EYS: variants seen among roughly 807,000 people sequenced by gnomAD.
EYS encodes EGF-like photoreceptor maintenance factor.
A neutral mutation model predicts 282.1 loss-of-function variants in EYS; 250 were observed. The ratio of observed to expected loss-of-function variants is 0.89; its 90% CI spans 0.80 to 0.98. The LOEUF (loss-of-function observed/expected upper bound fraction) is 0.98. Among genes scored for constraint, EYS ranks in the 50% least tolerant of loss-of-function variants. EYS has a pLI of 0.00. For missense variants in EYS, 4,016 were observed against 3,709.0 expected (o/e 1.08, Z -2.15); for synonymous variants, 1,355 against 1,282.9 (o/e 1.06, Z -1.20).
intron 31 of EYS, among the ~76,000 whole-genome samples, chr6:64,197,220 T>G (rs913937030): frequency 6.6e-5 from 10 of 152,122 alleles, no homozygotes; most frequent in Non-Finnish European, 1.2e-4. Context: ...AATATTTTGT[T>G]TTTCCATCTA....
At chr6:64,659,551 G>A (rs1411785822) in intron 22 of EYS, among the ~76,000 whole-genome samples, 1 of 151,862 alleles carries the variant, frequency 6.6e-6, no homozygotes, top group Non-Finnish European at 1.5e-5. Flanking sequence ...TGATAAAGGG[G>A]ATACCACCAC....
At chr6:64,138,986 A>G (rs1774252373) in intron 31 of EYS, among the ~76,000 whole-genome samples, 1 of 152,084 alleles carries the variant, frequency 6.6e-6, no homozygotes, top group South Asian at 2.1e-4. Flanking sequence ...AAAAATTGCA[A>G]CCTCAGGCAT....
chr6:65,472,325 C>T (rs1166540883), intron 5 of EYS, among the ~76,000 whole-genome samples: 1 of 151,946 alleles, frequency 6.6e-6, no homozygotes, highest in Non-Finnish European at 1.5e-5. Context: ...CATGTTTTCT[C>T]TTGGAAGGCA....
intron 8 of EYS, among the ~76,000 whole-genome samples, chr6:65,379,983 G>GA (rs775198162): frequency 6.6e-5 from 10 of 151,832 alleles, no homozygotes; most frequent in Admixed American, 2.0e-4. Flanking sequence ...CAAACAAATG[G>GA]AAAAAAACAT....
chr6:64,286,806 T>C (rs1344904302), intron 30 of EYS, among the ~76,000 whole-genome samples: 1 of 152,188 alleles, frequency 6.6e-6, no homozygotes, highest in Non-Finnish European at 1.5e-5. Flanking sequence ...TGTTAATATT[T>C]TCATACTTAT....
chr6:64,786,043 C>T (rs181344685), intron 22 of EYS, among the ~76,000 whole-genome samples: 5 of 152,188 alleles, frequency 3.3e-5, no homozygotes, highest in South Asian at 2.1e-4. Context: ...AGTAAATAAT[C>T]GTAACTGTGC....
At position 65,388,410 on chromosome 6, in the gene EYS, G is replaced by A. The variant is rs1765881102; in HGVS notation, c.1185-3910C>T. ...TTAATAAATTAAAACCGATAAAAGT[G>A]GAGGGAGAAATTGAGAAGAGGTATT... On this transcript the variant is annotated intron_variant, in intron 7 of 42. Transcript: ENST00000503581. 2.0e-5 allele frequency among the ~76,000 whole-genome samples: 3 copies of A among 152,056 alleles called. No individual in the cohort carries two copies. The East Asian group carries it at 5.8e-4, about 29-fold the overall frequency.
At chr6:63,981,664 A>C (rs1767103731) in intron 35 of EYS, among the ~76,000 whole-genome samples, 1 of 151,890 alleles carries the variant, frequency 6.6e-6, no homozygotes, top group African/African-American at 2.4e-5. Flanking sequence ...AGTGCATGCC[A>C]AATCAGTTGA....
rs538941104 is a variant in EYS, at chr6:64,482,475, T to C, written c.5645-43123A>G. Among the ~76,000 whole-genome samples, 531 of 151,906 alleles carry C rather than the reference T, an allele frequency of 3.5e-3. 2 individuals carry two copies. Among genetic ancestry groups the C allele is most frequent in the African/African-American group, 0.012 (481 of 41,530 alleles). ...TTCAAATATGGCTCTGCCATTTTTATTGATATGACAAAAGTACTTAAGTTC... is the reference window on the plus strand; with the variant it reads ...TTCAAATATGGCTCTGCCATTTTTACTGATATGACAAAAGTACTTAAGTTC... On this transcript the variant is annotated intron_variant, in intron 26 of 42. Transcript: ENST00000503581.
At chr6:63,889,125 G>A (rs1014867458) in intron 35 of EYS, among the ~76,000 whole-genome samples, 1 of 152,200 alleles carries the variant, frequency 6.6e-6, no homozygotes, top group Non-Finnish European at 1.5e-5. Context: ...AGGCCTCCAA[G>A]AAATATGGGA....
chr6:65,395,524 G>A (rs377713799), intron 7 of EYS, among the ~76,000 whole-genome samples: 1 of 152,128 alleles, frequency 6.6e-6, no homozygotes, highest in Admixed American at 6.6e-5. Flanking sequence ...GTTATCATTT[G>A]TATATGTGGG....
At chr6:64,389,579 G>C (rs114579270) in intron 28 of EYS, among the ~76,000 whole-genome samples, 63 of 152,254 alleles carry the variant, frequency 4.1e-4, no homozygotes, top group African/African-American at 1.4e-3. Context: ...TTTACATATA[G>C]TCTATGGGTT....
chr6:65,077,759 G>A (rs1317888435), intron 12 of EYS, among the ~76,000 whole-genome samples: 1 of 151,838 alleles, frequency 6.6e-6, no homozygotes, highest in Non-Finnish European at 1.5e-5. Flanking sequence ...AAAAAATCAT[G>A]GCAATTAATT....
At chr6:64,510,293 G>A (rs1308055566) in intron 26 of EYS, among the ~76,000 whole-genome samples, 1 of 152,000 alleles carries the variant, frequency 6.6e-6, no homozygotes, top group Non-Finnish European at 1.5e-5. Context: ...TTTATGAAGT[G>A]ATATGAAAGA....
chr6:64,748,887 C>T (rs528223230), intron 22 of EYS, among the ~76,000 whole-genome samples: 97 of 152,338 alleles, frequency 6.4e-4, no homozygotes, highest in African/African-American at 2.2e-3. Context: ...ATTCCCCTGC[C>T]CCAGCCTCCC....
chr6:65,366,652 A>G (rs1502955), intron 8 of EYS, among the ~76,000 whole-genome samples: 135,001 of 151,602 alleles, frequency 0.89, 60,657 homozygotes, highest in Non-Finnish European at 0.95. Context: ...GCTTTCTATT[A>G]CTACTGTAAT....
intron 31 of EYS, among the ~76,000 whole-genome samples, chr6:64,177,947 C>G (rs1054650478): frequency 6.6e-6 from 1 of 152,074 alleles, no homozygotes; most frequent in Non-Finnish European, 1.5e-5. Context: ...TTACTCCAAC[C>G]CTTGGTCCAA....
intron 30 of EYS, among the ~76,000 whole-genome samples, chr6:64,288,500 T>G (rs1768579628): frequency 6.6e-6 from 1 of 152,110 alleles, no homozygotes; most frequent in African/African-American, 2.4e-5. Context: ...TTCTTTGCTT[T>G]GAGCAACTGT....
chr6:65,340,160 C>T (rs1582159515), intron 10 of EYS, among the ~76,000 whole-genome samples: 1 of 151,168 alleles, frequency 6.6e-6, no homozygotes. Context: ...CCTTTCACAT[C>T]CCAAATTTTA....
Sources: allele counts gnomAD v4.1 joint callset (sites outside exome capture counted in the v4.1 genomes callset), GRCh38; gene constraint gnomAD v4.1.1; transcripts MANE v1.5; gene names NCBI Gene and HGNC (gene_info 2026-07-23, HGNC 2026-07-21).